The following ZNF557 variants were observed in gnomAD, a reference collection of about 807,000 sequenced individuals.
ZNF557 encodes the protein CTB-25J19.9.
In ZNF557, 19 loss-of-function variants were observed where a neutral mutation model predicts 21.2. The ratio of observed to expected loss-of-function variants is 0.90; its 90% confidence interval spans 0.63 to 1.32. The LOEUF is 1.32. Among genes scored for constraint, ZNF557 ranks in the 40% most tolerant of loss-of-function variants. The pLI, the probability that ZNF557 is intolerant of heterozygous loss-of-function variation, is 0.00. For missense variants in ZNF557, 487 were observed against 519.8 expected, an observed-to-expected ratio of 0.94 and a Z score of 0.61; for synonymous variants, 207 against 194.8, an observed-to-expected ratio of 1.06 and a Z score of -0.52.
chr19:7,073,296 A>C (rs1172097566), intron 2 of ZNF557, among the ~76,000 whole-genome samples: 1 of 151,426 alleles, frequency 6.6e-6, no homozygotes, highest in Non-Finnish European at 1.5e-5. Flanking sequence ...GATTACAGGC[A>C]CCCACCACCA....
intron 2 of ZNF557, among the ~76,000 whole-genome samples, chr19:7,074,547 G>C (rs1290943941): frequency 6.6e-6 from 1 of 150,518 alleles, no homozygotes; most frequent in Non-Finnish European, 1.5e-5. Flanking sequence ...GTATCTTACA[G>C]ATCGATTCTT....
At chr19:7,080,287 G>A (rs772758955) in intron 5 of ZNF557, among the ~76,000 whole-genome samples, 1 of 152,152 alleles carries the variant, frequency 6.6e-6, no homozygotes, top group Non-Finnish European at 1.5e-5. Context: ...CTGGGCGACA[G>A]AGCAAGACTC....
At position 7,084,522 on chromosome 19, in the gene ZNF557, T is replaced by G. The variant is rs1977792872; in HGVS notation, c.*778T>G. ...CATGACACCATGTCTGGCTAATTTG[T>G]TTTTTTTTAAACTAGAGGGAGGGTT... On this transcript the variant is annotated 3_prime_UTR_variant, in exon 8 of 8. Coordinates refer to ENST00000252840, the MANE Select transcript of ZNF557 (RefSeq NM_024341.3). 9.1e-6 allele frequency: 1 copy of G among 109,690 alleles called. No homozygotes were observed. Among genetic ancestry groups the G allele is most frequent in the Non-Finnish European group, 2.1e-5 (1 of 48,128 alleles). 6.8% of individuals were successfully genotyped at this position (109,690 alleles called of 1,614,324 possible).
At chr19:7,075,480 C>G (rs189563219) in intron 3 of ZNF557, among the ~76,000 whole-genome samples, 175 bp from the exon 4 acceptor site, 5 of 152,300 alleles carry the variant, frequency 3.3e-5, no homozygotes, top group African/African-American at 1.2e-4. Flanking sequence ...GGGCCATGCT[C>G]TGGTTTCCTT....
chr19:7,081,160 T>G (rs1399202317), intron 5 of ZNF557, among the ~76,000 whole-genome samples, 200 bp from the exon 6 acceptor site: 1 of 63,754 alleles, frequency 1.6e-5, no homozygotes, highest in African/African-American at 6.3e-5. Flanking sequence ...GGTGTGTGTG[T>G]GTGTGTGTGT....
Position 7,083,308 on chromosome 19 carries a change from A to C in ZNF557, c.857A>C (p.His286Pro). Residue 286 changes from histidine (H) to proline (P), a missense_variant, in exon 8 of 8, where the codon CAT becomes CCT. Physicochemically the swap from His to Pro is moderately conservative, Grantham distance 77 (BLOSUM62 -2). Coordinates refer to ENST00000252840, the MANE Select transcript of ZNF557 (RefSeq NM_024341.3). Reference protein sequence around the residue: ...QSIFTRHKRVHTGEGHYVCNQ... With the variant: ...QSIFTRHKRVPTGEGHYVCNQ... The stretch of plus-strand genomic sequence containing the variant: ...ATCTTCACAAGGCACAAGAGAGTTC[A>C]TACGGGGGAGGGTCATTATGTATGT... The C allele has an allele frequency of 6.2e-7, 1 of 1,614,232 alleles. No individual in the cohort carries two copies. The highest frequency in any genetic ancestry group is 8.5e-7 in the Non-Finnish European group (1 of 1,180,042).
chr19:7,083,225 C>T lies in ZNF557; in HGVS notation c.774C>T (p.His258=), dbSNP rs370803688. 1.9e-6 allele frequency: 3 copies of T among 1,614,224 alleles called. No individual in the cohort carries two copies. Among genetic ancestry groups the T allele is most frequent in the East Asian group, 2.2e-5 (1 of 44,886 alleles). Residue 258 remains histidine, a synonymous_variant, in exon 8 of 8, where the codon CAC becomes CAT. Coordinates refer to ENST00000252840, the MANE Select transcript of ZNF557 (RefSeq NM_024341.3). ...ACCTCAGACCGCACTTGAGAATTCA[C>T]ACTGGAGAAAAACCGTACAAATGTA... The part of the protein sequence containing the change: ...SSYLRPHLRI[H]TGEKPYKCNQ...
intron 7 of ZNF557, among the ~76,000 whole-genome samples, chr19:7,082,300 G>A (rs1375571013): frequency 2.0e-5 from 3 of 151,576 alleles, no homozygotes; most frequent in African/African-American, 7.3e-5. Flanking sequence ...ATGCGCACCT[G>A]TAATCCCAAA....
chr19:7,083,824 T>C lies in ZNF557; in HGVS notation c.*80T>C, dbSNP rs1977776748. 6.0e-6 allele frequency: 9 copies of C among 1,496,264 alleles called. No individual in the cohort carries two copies. In the East Asian group the frequency reaches 6.8e-5, roughly 11 times the overall value. 92.7% of individuals were successfully genotyped at this position (1,496,264 alleles called of 1,614,324 possible). ...AGCAAACTCTAACAAGATGTATGAA[T>C]CACCTGCTACTGTGTAACAAATTAC... On this transcript the variant is annotated 3_prime_UTR_variant, in exon 8 of 8. Coordinates refer to ENST00000252840, the MANE Select transcript of ZNF557 (RefSeq NM_024341.3).
At chr19:7,073,492 C>CT (rs1353927847) in intron 2 of ZNF557, among the ~76,000 whole-genome samples, 1 of 152,104 alleles carries the variant, frequency 6.6e-6, no homozygotes, top group Non-Finnish European at 1.5e-5. Context: ...AATACTAAAA[C>CT]TTTCAGGCTT....
At chr19:7,076,787 AT>A (rs1977594448) in intron 5 of ZNF557, among the ~76,000 whole-genome samples, 1 of 152,226 alleles carries the variant, frequency 6.6e-6, no homozygotes, top group East Asian at 1.9e-4. Flanking sequence ...TTCCGTCTCT[AT>A]AGATGTGTCT....
intron 3 of ZNF557, 122 bp from the exon 4 acceptor site, chr19:7,075,533 C>A: frequency 1.1e-6 from 1 of 934,830 alleles, no homozygotes; most frequent in Non-Finnish European, 1.6e-6. Flanking sequence ...GAGGTGGATG[C>A]TTTGTGGGTG....
intron 3 of ZNF557, among the ~76,000 whole-genome samples, chr19:7,075,378 G>A (rs1599839716): frequency 6.6e-6 from 1 of 152,176 alleles, no homozygotes; most frequent in South Asian, 2.1e-4. Flanking sequence ...TGACGCCCTC[G>A]GAACTTCAGT....
At chr19:7,074,401 A>C (rs1473555614) in intron 2 of ZNF557, among the ~76,000 whole-genome samples, 1 of 150,574 alleles carries the variant, frequency 6.6e-6, no homozygotes, top group Non-Finnish European at 1.5e-5. Flanking sequence ...CATATATGCT[A>C]TTTGGTACTT....
chr19:7,076,613 C>T, intron 5 of ZNF557, 106 bp downstream of exon 5: 1 of 1,490,314 alleles, frequency 6.7e-7, no homozygotes, highest in Non-Finnish European at 9.0e-7. Flanking sequence ...ACCATTTAAA[C>T]TATTTTAAAG....
chr19:7,079,483 G>A (rs867877358), intron 5 of ZNF557, among the ~76,000 whole-genome samples: 110 of 151,974 alleles, frequency 7.2e-4, no homozygotes, highest in Non-Finnish European at 9.0e-4. Context: ...CTTGTGATCC[G>A]CCCACCTTGG....
Position 7,085,780 on chromosome 19 carries a change from CTT to C in ZNF557, c.*2039_*2040del, listed in dbSNP as rs756512795. 1 of 152,186 alleles carries C rather than the reference CTT, an allele frequency of 6.6e-6. No homozygotes were observed. Among genetic ancestry groups the C allele is most frequent in the Non-Finnish European group, 1.5e-5 (1 of 68,028 alleles). 9.4% of individuals were successfully genotyped at this position (152,186 alleles called of 1,614,324 possible). On this transcript the variant is annotated 3_prime_UTR_variant, in exon 8 of 8. Transcript: ENST00000252840. Reference sequence around the variant, plus strand: ...GGCCACTAGCTCGTTCATTTTCAGTCTTTTAATATAAACATTTATGGCTATAG... The same window carrying C: ...GGCCACTAGCTCGTTCATTTTCAGTCTTAATATAAACATTTATGGCTATAG...
At chr19:7,079,434 G>GA (rs577251516) in intron 5 of ZNF557, among the ~76,000 whole-genome samples, 1 of 53,608 alleles carries the variant, frequency 1.9e-5, no homozygotes, top group African/African-American at 8.9e-5. Context: ...GTAGAGACAG[G>GA]GTTCACCGTG....
In ZNF557 at chr19:7,083,456, GAC is replaced by G. The variant is rs773245255; in HGVS notation, c.1009_1010del (p.Gln337AlafsTer14). On this transcript the variant is annotated frameshift_variant, in exon 8 of 8. Coordinates refer to ENST00000252840, the MANE Select transcript of ZNF557 (RefSeq NM_024341.3). LOFTEE classifies it low-confidence loss of function (END_TRUNC). Reference sequence around the variant, plus strand: ...GAACCTTCAGGAGGAGGTCGAATCTGACACAGCACATAAGAACTCATACTGGA... The same window carrying G: ...GAACCTTCAGGAGGAGGTCGAATCTGACAGCACATAAGAACTCATACTGGA... Reference protein sequence around the residue: ...GRTFRRRSNLTQHIRTHTGEK... With the variant: ...GRTFRRRSNLXQHIRTHTGEK... 2 of 1,614,134 alleles carry G rather than the reference GAC, an allele frequency of 1.2e-6. No homozygotes were observed. Among genetic ancestry groups the G allele is most frequent in the Non-Finnish European group, 1.7e-6 (2 of 1,180,030 alleles).
Sources: allele counts gnomAD v4.1 joint callset (sites outside exome capture counted in the v4.1 genomes callset), GRCh38; gene constraint gnomAD v4.1.1; transcripts MANE v1.5; gene names NCBI Gene and HGNC (gene_info 2026-07-23, HGNC 2026-07-21).